The following TBX20 variants were observed in gnomAD, a reference collection of about 807,000 sequenced individuals.
TBX20 encodes the protein T-box transcription factor TBX20.
TBX20 carries 8 observed loss-of-function variants against 42.9 expected under a neutral mutation model. That is an observed-to-expected ratio of 0.19 (90% confidence interval 0.11 to 0.34). TBX20 has a LOEUF of 0.34. TBX20 is among the 10% of genes least tolerant of loss of function. TBX20 has a pLI of 1.00. For synonymous variants in TBX20, 198 were observed against 222.8 expected (o/e 0.89, Z 0.99); for missense variants, 411 against 566.0 (o/e 0.73, Z 2.78).
intron 4 of TBX20, among the ~76,000 whole-genome samples, chr7:35,243,437 G>A (rs17606656): frequency 0.36 from 55,436 of 151,938 alleles, 10,461 homozygotes; most frequent in Admixed American, 0.46. Context: ...ATGCTAAAAG[G>A]AAAGCATTTC....
intron 1 of TBX20, among the ~76,000 whole-genome samples, chr7:35,250,503 A>G (rs1269619563): frequency 6.6e-6 from 1 of 152,220 alleles, no homozygotes; most frequent in Non-Finnish European, 1.5e-5. Flanking sequence ...GGGAAGGGTG[A>G]TGATCATGAG....
intron 6 of TBX20, among the ~76,000 whole-genome samples, chr7:35,213,793 G>T (rs1407767922): frequency 1.4e-5 from 2 of 143,554 alleles, no homozygotes; most frequent in African/African-American, 5.1e-5. Context: ...ACACTGGGGA[G>T]CCTAACATCT....
At chr7:35,231,476 A>G (rs1167372557) in intron 6 of TBX20, 28 bp downstream of exon 6, 1 of 1,554,366 alleles carries the variant, frequency 6.4e-7, no homozygotes, top group South Asian at 1.1e-5. Context: ...TTATCTGAAC[A>G]AGAAAGTAAA....
rs574651471 is a variant in TBX20 at position 35,248,980 on chromosome 7, T to C, written c.381-139A>G. 2.1e-5 allele frequency: 21 copies of C among 1,000,320 alleles called. No homozygotes were observed. The East Asian group carries it at 5.4e-4, about 26-fold the overall frequency. The allele number at this position is 1,000,320 out of a possible 1,614,324, so 62.0% of individuals were successfully genotyped here. A position where few individuals can be genotyped will look rare whatever the true frequency, so the allele number is the denominator to read the frequency against. On this transcript the variant is annotated intron_variant, in intron 2 of 7. Transcript: ENST00000408931. ...TCTATCCGGTCCACAAACCCCTCTT[T>C]TGTTTTGTTTAAAGCCTCAGAGAAG...
intron 6 of TBX20, among the ~76,000 whole-genome samples, chr7:35,228,726 C>A (rs1303170003): frequency 6.6e-6 from 1 of 151,958 alleles, no homozygotes; most frequent in African/African-American, 2.4e-5. Context: ...TTATACGGAA[C>A]CAGCCAATAA....
At chr7:35,227,336 T>C (rs751128188) in intron 6 of TBX20, among the ~76,000 whole-genome samples, 1 of 152,156 alleles carries the variant, frequency 6.6e-6, no homozygotes, top group Non-Finnish European at 1.5e-5. Flanking sequence ...TCTACAGTAG[T>C]GTACAGTAAT....
At chr7:35,237,022 T>C (rs2429416) in intron 5 of TBX20, among the ~76,000 whole-genome samples, 59,563 of 150,342 alleles carry the variant, frequency 0.4, 11,969 homozygotes, top group Admixed American at 0.47. Flanking sequence ...AGTCAGTTTT[T>C]GATGACACTG....
At chr7:35,223,052 G>A (rs1443195905) in intron 6 of TBX20, among the ~76,000 whole-genome samples, 1 of 152,240 alleles carries the variant, frequency 6.6e-6, no homozygotes, top group African/African-American at 2.4e-5. Flanking sequence ...GGTAAGAGTG[G>A]TAGCAGTGAA....
chr7:35,220,468 G>C (rs1030917145), intron 6 of TBX20, among the ~76,000 whole-genome samples: 2 of 152,220 alleles, frequency 1.3e-5, no homozygotes, highest in African/African-American at 4.8e-5. Context: ...CTGAGACAGA[G>C]AGGGTAGCCA....
At chr7:35,251,215 G>T (rs1790298914) in intron 1 of TBX20, among the ~76,000 whole-genome samples, 1 of 152,180 alleles carries the variant, frequency 6.6e-6, no homozygotes, top group Admixed American at 6.5e-5. Context: ...ACTTGAATTT[G>T]CAATGTGAAG....
Position 35,231,394 on chromosome 7 carries a change from T to C in TBX20, c.890+110A>G, listed in dbSNP as rs1789863151. The C allele has an allele frequency of 6.6e-6, 5 of 759,370 alleles. No homozygotes were observed. The Admixed American group carries it at 1.0e-4, about 15-fold the overall frequency. 47.0% of individuals were successfully genotyped at this position (759,370 alleles called of 1,614,324 possible). On this transcript the variant is annotated intron_variant, in intron 6 of 7. Coordinates refer to ENST00000408931, the MANE Select transcript of TBX20 (RefSeq NM_001077653.2). ...GAATGGGGTGCAGAGAATAGAAGAC[T>C]ATATATAGTAAGGTTATGATTCTCT...
chr7:35,207,528 G>A (rs1327660316), intron 6 of TBX20, among the ~76,000 whole-genome samples: 11 of 152,134 alleles, frequency 7.2e-5, no homozygotes, highest in African/African-American at 2.4e-4. Context: ...TATGGATCAC[G>A]CTTTTGGTGC....
At chr7:35,245,115 G>C in intron 3 of TBX20, 58 bp from the exon 4 acceptor site, 1 of 1,241,760 alleles carries the variant, frequency 8.1e-7, no homozygotes, top group Non-Finnish European at 1.2e-6. Context: ...GTCTCTGTAG[G>C]TTATAAAATG....
At chr7:35,236,759 A>C (rs1227032308) in intron 5 of TBX20, among the ~76,000 whole-genome samples, 1 of 152,200 alleles carries the variant, frequency 6.6e-6, no homozygotes, top group Non-Finnish European at 1.5e-5. Context: ...TCGAAAAATA[A>C]ACTCAGACAT....
At chr7:35,214,715 C>T (rs1246964328) in intron 6 of TBX20, among the ~76,000 whole-genome samples, 2 of 152,082 alleles carry the variant, frequency 1.3e-5, no homozygotes, top group African/African-American at 4.8e-5. Context: ...GCTGAGCAAC[C>T]GCTAATAAAA....
chr7:35,208,456 G>T (rs370938348), intron 6 of TBX20, among the ~76,000 whole-genome samples: 1 of 151,996 alleles, frequency 6.6e-6, no homozygotes, highest in African/African-American at 2.4e-5. Context: ...GCAGTGGTAA[G>T]AATGGGCCAG....
intron 6 of TBX20, among the ~76,000 whole-genome samples, chr7:35,216,773 T>C (rs917766108): frequency 6.6e-6 from 1 of 152,192 alleles, no homozygotes; most frequent in Non-Finnish European, 1.5e-5. Context: ...CTCTCCTAAA[T>C]ATAGACCTGG....
intron 3 of TBX20, among the ~76,000 whole-genome samples, chr7:35,248,031 G>A (rs75892430): frequency 0.014 from 2,142 of 152,240 alleles, 48 homozygotes; most frequent in African/African-American, 0.049. Flanking sequence ...TTTCACAAGA[G>A]TAAATATGCA....
chr7:35,250,282 G>A (rs1233691480), intron 1 of TBX20, 79 bp from the exon 2 acceptor site: 1 of 1,553,464 alleles, frequency 6.4e-7, no homozygotes, highest in Non-Finnish European at 8.8e-7. Context: ...ATAACCAAAT[G>A]GTCACTTGGA....
Sources: gnomAD v4.1 joint callset for allele counts (sites outside exome capture counted in the v4.1 genomes callset) on GRCh38, gnomAD v4.1.1 for gene constraint, MANE v1.5 for transcripts, NCBI Gene and HGNC (gene_info 2026-07-23, HGNC 2026-07-21) for gene names.